Variants in PPP2R5E observed in about 807,000 individuals in gnomAD.
PPP2R5E encodes serine/threonine-protein phosphatase 2A 56 kDa regulatory subunit epsilon isoform.
In PPP2R5E, 4 loss-of-function variants were observed where a neutral mutation model predicts 65.3. The ratio of observed to expected loss-of-function variants is 0.06; its 90% CI spans 0.03 to 0.14. The LOEUF is 0.14. Among genes scored for constraint, PPP2R5E ranks in the 10% least tolerant of loss-of-function variants. The pLI, the probability that PPP2R5E is intolerant of heterozygous loss-of-function variation, is 1.00. For synonymous variants in PPP2R5E, 183 were observed against 187.4 expected, an observed-to-expected ratio of 0.98 and a Z score of 0.19; for missense variants, 274 against 556.1, an observed-to-expected ratio of 0.49 and a Z score of 5.10.
intron 2 of PPP2R5E, among the ~76,000 whole-genome samples, chr14:63,491,657 G>A (rs1891291790): frequency 6.6e-6 from 1 of 152,060 alleles, no homozygotes; most frequent in African/African-American, 2.4e-5. Context: ...ACACCAGCCT[G>A]GCCAACATGG....
chr14:63,398,838 T>G (rs1430446304), intron 5 of PPP2R5E, among the ~76,000 whole-genome samples: 1 of 152,094 alleles, frequency 6.6e-6, no homozygotes, highest in African/African-American at 2.4e-5. Context: ...AGATACTCAT[T>G]GGATGGCTAT....
At position 63,371,500 on chromosome 14, in the gene PPP2R5E, A is replaced by G. The variant is rs777799310; in HGVS notation, c.*4509T>C. On this transcript the variant is annotated 3_prime_UTR_variant, in exon 14 of 14. Coordinates refer to ENST00000337537, the MANE Select transcript of PPP2R5E (RefSeq NM_006246.5). ...GTTACCACTTTGAAGAAAGCAAATC[A>G]TTTCCAAAGAAAAACATTTTAAATT... 5 of 152,210 alleles carry G rather than the reference A, an allele frequency of 3.3e-5. No homozygotes were observed. The highest frequency in any genetic ancestry group is 5.9e-5 in the Non-Finnish European group (4 of 68,028). The allele number at this position is 152,210 out of a possible 1,614,324, so 9.4% of individuals were successfully genotyped here. A position where few individuals can be genotyped will look rare whatever the true frequency, so the allele number is the denominator to read the frequency against.
intron 2 of PPP2R5E, among the ~76,000 whole-genome samples, chr14:63,523,174 C>T (rs1300396225): frequency 6.6e-6 from 1 of 150,516 alleles, no homozygotes; most frequent in Non-Finnish European, 1.5e-5. Flanking sequence ...GGTGAGGAGC[C>T]CCTCTGCCCG....
At chr14:63,383,105 T>C (rs370305952) in intron 12 of PPP2R5E, among the ~76,000 whole-genome samples, 4 of 152,166 alleles carry the variant, frequency 2.6e-5, no homozygotes, top group African/African-American at 9.7e-5. Context: ...ACTATACAGC[T>C]AAACAGCCAA....
chr14:63,428,634 T>A (rs1031421055), intron 3 of PPP2R5E, among the ~76,000 whole-genome samples: 1 of 152,244 alleles, frequency 6.6e-6, no homozygotes, highest in East Asian at 1.9e-4. Context: ...TATTGTTAAG[T>A]ATGGTGCTGC....
chr14:63,413,530 T>C (rs745606603), intron 5 of PPP2R5E, among the ~76,000 whole-genome samples: 4 of 152,178 alleles, frequency 2.6e-5, no homozygotes, highest in Non-Finnish European at 4.4e-5. Flanking sequence ...CCTCAGTTTA[T>C]GCATCTATAA....
At chr14:63,472,761 G>A (rs1890194823) in intron 2 of PPP2R5E, among the ~76,000 whole-genome samples, 2 of 152,238 alleles carry the variant, frequency 1.3e-5, no homozygotes, top group African/African-American at 4.8e-5. Context: ...TCTAGGGCAT[G>A]GAAGACAGGT....
chr14:63,493,029 G>A (rs143995460), intron 2 of PPP2R5E, among the ~76,000 whole-genome samples: 46 of 152,218 alleles, frequency 3.0e-4, no homozygotes, highest in African/African-American at 1.0e-3. Context: ...GCAGCCAGCC[G>A]CTCTAGGCAA....
At chr14:63,417,856 G>A (rs1408822417) in intron 4 of PPP2R5E, among the ~76,000 whole-genome samples, 1 of 152,084 alleles carries the variant, frequency 6.6e-6, no homozygotes, top group Admixed American at 6.6e-5. Flanking sequence ...ACAGTGAAAG[G>A]ACAAATCATA....
At chr14:63,480,333 G>C (rs966326544) in intron 2 of PPP2R5E, among the ~76,000 whole-genome samples, 1 of 152,138 alleles carries the variant, frequency 6.6e-6, no homozygotes, top group Admixed American at 6.5e-5. Flanking sequence ...TGGTGTGCCT[G>C]TAATCCCAGC....
At chr14:63,377,190 A>T (rs1051401014) in intron 13 of PPP2R5E, among the ~76,000 whole-genome samples, 1 of 152,026 alleles carries the variant, frequency 6.6e-6, no homozygotes, top group Non-Finnish European at 1.5e-5. Flanking sequence ...CCAGATTAAC[A>T]TTCATAAATC....
At chr14:63,477,817 C>G (rs2139582571) in intron 2 of PPP2R5E, among the ~76,000 whole-genome samples, 1 of 151,566 alleles carries the variant, frequency 6.6e-6, no homozygotes, top group South Asian at 2.1e-4. Context: ...TGGAATGATA[C>G]AGAGAAGATT....
intron 13 of PPP2R5E, among the ~76,000 whole-genome samples, chr14:63,379,502 C>T (rs886166280): frequency 3.9e-5 from 6 of 152,152 alleles, no homozygotes; most frequent in Non-Finnish European, 8.8e-5. Context: ...AAATTCCCAA[C>T]CTCAGGTGAT....
In PPP2R5E at chr14:63,452,177, G is replaced by A. The variant is rs1421065859; in HGVS notation, c.354+1512C>T. The A allele has an allele frequency of 3.3e-5, 5 of 152,154 alleles. No individual in the cohort carries two copies. The East Asian group carries it at 9.6e-4, about 29-fold the overall frequency. 9.4% of individuals were successfully genotyped at this position (152,154 alleles called of 1,614,324 possible). A position where few individuals can be genotyped will look rare whatever the true frequency, so the allele number is the denominator to read the frequency against. ...ACTTATATATTCATGAACTATCCAT[G>A]GGAAGATACAGAAGAAAGTCATAAC... On this transcript the variant is annotated intron_variant, in intron 3 of 13. Coordinates refer to ENST00000337537, the MANE Select transcript of PPP2R5E (RefSeq NM_006246.5).
At chr14:63,452,811 G>A (rs1335472034) in intron 3 of PPP2R5E, 2 of 152,136 alleles carry the variant, frequency 1.3e-5, no homozygotes, top group African/African-American at 4.8e-5. Flanking sequence ...AAATGATAAA[G>A]AACTAAATAC....
intron 8 of PPP2R5E, among the ~76,000 whole-genome samples, chr14:63,392,708 T>C (rs1885095793): frequency 6.6e-6 from 1 of 152,214 alleles, no homozygotes; most frequent in Non-Finnish European, 1.5e-5. Flanking sequence ...TTTGATGGTG[T>C]TCTAAATTAG....
intron 2 of PPP2R5E, among the ~76,000 whole-genome samples, chr14:63,469,779 C>A (rs1890024472): frequency 6.6e-6 from 1 of 152,170 alleles, no homozygotes; most frequent in Non-Finnish European, 1.5e-5. Flanking sequence ...AATGGACCTC[C>A]AGCTTAGGTC....
intron 2 of PPP2R5E, among the ~76,000 whole-genome samples, chr14:63,522,810 G>A (rs1011864540): frequency 6.6e-6 from 1 of 151,374 alleles, no homozygotes; most frequent in Non-Finnish European, 1.5e-5. Context: ...CCAGGAAGGA[G>A]GTGGGGGTCA....
intron 2 of PPP2R5E, among the ~76,000 whole-genome samples, chr14:63,459,021 T>C (rs1157824417): frequency 6.6e-6 from 1 of 152,190 alleles, no homozygotes; most frequent in Non-Finnish European, 1.5e-5. Flanking sequence ...CAAATCCTCA[T>C]CCATGTATAC....
Sources: gnomAD v4.1 joint callset for allele counts (sites outside exome capture counted in the v4.1 genomes callset) on GRCh38, gnomAD v4.1.1 for gene constraint, MANE v1.5 for transcripts, NCBI Gene and HGNC (gene_info 2026-07-23, HGNC 2026-07-21) for gene names.